The following RABGAP1L variants were observed in gnomAD, a reference collection of about 807,000 sequenced individuals.
The protein encoded by RABGAP1L is RAB GTPase activating protein 1 like, also known as rab GTPase-activating protein 1-like.
RABGAP1L carries 63 observed loss-of-function variants against 137.7 expected under a neutral mutation model. The observed-to-expected ratio is 0.46, with a 90% confidence interval of 0.37 to 0.56. RABGAP1L has a LOEUF of 0.56. Among genes scored for constraint, RABGAP1L ranks in the 20% least tolerant of loss-of-function variants. The probability of loss-of-function intolerance (pLI) is 0.00; values close to 1 mark genes in which losing one functional copy is unlikely to be tolerated. For synonymous variants in RABGAP1L, 431 were observed against 433.7 expected, an observed-to-expected ratio of 0.99 and a Z score of 0.08; for missense variants, 1,095 against 1,244.0, an observed-to-expected ratio of 0.88 and a Z score of 1.80.
intron 13 of RABGAP1L, among the ~76,000 whole-genome samples, chr1:174,612,276 AT>A: frequency 6.6e-6 from 1 of 152,254 alleles, no homozygotes; most frequent in South Asian, 2.1e-4. Flanking sequence ...GCATTGTTGA[AT>A]TTTGTCAAAG....
chr1:174,579,530 T>C (rs577098550), intron 13 of RABGAP1L, among the ~76,000 whole-genome samples: 4 of 152,202 alleles, frequency 2.6e-5, no homozygotes, highest in Non-Finnish European at 5.9e-5. Context: ...TTCATTAGAT[T>C]CTGTAATTCC....
chr1:174,622,427 C>A (rs1439511594), intron 13 of RABGAP1L, among the ~76,000 whole-genome samples: 1 of 152,258 alleles, frequency 6.6e-6, no homozygotes, highest in African/African-American at 2.4e-5. Context: ...CGGCACTATT[C>A]ACAATAGCAA....
chr1:174,892,227 C>T (rs1656290131), intron 19 of RABGAP1L, among the ~76,000 whole-genome samples: 2 of 152,236 alleles, frequency 1.3e-5, no homozygotes. Flanking sequence ...CCTCTCCCGC[C>T]TGGGCTCAGC....
chr1:174,797,640 G>T (rs76616345), intron 18 of RABGAP1L, among the ~76,000 whole-genome samples: 8,939 of 126,090 alleles, frequency 0.071, 424 homozygotes, highest in East Asian at 0.3. Flanking sequence ...TGTGTGGGGG[G>T]GTGTGTGGGG....
At chr1:174,778,705 C>T (rs962713953) in intron 18 of RABGAP1L, among the ~76,000 whole-genome samples, 3 of 152,026 alleles carry the variant, frequency 2.0e-5, no homozygotes, top group Admixed American at 1.3e-4. Context: ...AGCGATTCTC[C>T]TGCCTCAGCC....
At chr1:174,610,836 G>A (rs1671174666) in intron 13 of RABGAP1L, among the ~76,000 whole-genome samples, 1 of 152,044 alleles carries the variant, frequency 6.6e-6, no homozygotes. Context: ...TGTGTTTTTT[G>A]GCTGCATAAA....
intron 13 of RABGAP1L, among the ~76,000 whole-genome samples, chr1:174,635,064 T>G (rs111743608): frequency 0.02 from 2,950 of 150,652 alleles, 77 homozygotes; most frequent in African/African-American, 0.057. Context: ...AATAAAAAAA[T>G]AAAAAAAGAA....
intron 13 of RABGAP1L, among the ~76,000 whole-genome samples, chr1:174,601,440 G>A (rs1183966941): frequency 6.6e-6 from 1 of 152,042 alleles, no homozygotes; most frequent in Non-Finnish European, 1.5e-5. Flanking sequence ...GGTGGGAATT[G>A]AACAATGAAA....
intron 13 of RABGAP1L, among the ~76,000 whole-genome samples, chr1:174,606,776 G>C (rs1047291348): frequency 4.6e-5 from 7 of 152,032 alleles, no homozygotes; most frequent in African/African-American, 1.7e-4. Flanking sequence ...ATTTTCCTCT[G>C]TCTTACAGCT....
At chr1:174,575,778 C>T (rs1192640527) in intron 13 of RABGAP1L, among the ~76,000 whole-genome samples, 1 of 152,132 alleles carries the variant, frequency 6.6e-6, no homozygotes, top group African/African-American at 2.4e-5. Flanking sequence ...GGCAGATCGG[C>T]AGGTCGATAA....
At chr1:174,312,393 T>C (rs866233315) in intron 11 of RABGAP1L, among the ~76,000 whole-genome samples, 3 of 152,348 alleles carry the variant, frequency 2.0e-5, no homozygotes, top group Non-Finnish European at 4.4e-5. Flanking sequence ...ATGTCTTTTT[T>C]TTTCTTGAGA....
At chr1:174,512,665 G>A (rs1028546318) in intron 13 of RABGAP1L, among the ~76,000 whole-genome samples, 1 of 152,042 alleles carries the variant, frequency 6.6e-6, no homozygotes, top group African/African-American at 2.4e-5. Context: ...TTTGCACATG[G>A]GTAACAGGTC....
intron 1 of RABGAP1L, among the ~76,000 whole-genome samples, chr1:174,209,181 C>T (rs1010287489): frequency 5.9e-5 from 9 of 152,168 alleles, no homozygotes; most frequent in African/African-American, 9.7e-5. Context: ...TAATAATACT[C>T]GCTTATGCAT....
At position 174,971,307 on chromosome 1, in the gene RABGAP1L, AATT is replaced by A. The variant is rs549704795; in HGVS notation, c.2544+1926_2544+1928del. On this transcript the variant is annotated intron_variant, in intron 21 of 25. Coordinates refer to ENST00000681986, the MANE Select transcript of RABGAP1L (RefSeq NM_001366446.1). ...TATATAACTTTAATAATCAGAAAAA[AATT>A]ATTATCTTAAAAATCATTTCTTCAC... 1.1e-3 allele frequency among the ~76,000 whole-genome samples: 168 copies of A among 151,514 alleles called. 1 individual carries two copies. Among genetic ancestry groups the A allele is most frequent in the Non-Finnish European group, 2.0e-3 (139 of 67,854 alleles).
intron 1 of RABGAP1L, among the ~76,000 whole-genome samples, chr1:174,204,411 G>A (rs926724059): frequency 9.9e-5 from 15 of 151,960 alleles, no homozygotes; most frequent in African/African-American, 3.6e-4. Flanking sequence ...TCTTACTCTT[G>A]CCTAATTGCT....
rs1251907430 is a variant in RABGAP1L at position 174,523,636 on chromosome 1, A to G, written c.1711-113739A>G. 3.9e-5 allele frequency among the ~76,000 whole-genome samples: 6 copies of G among 152,180 alleles called. No homozygotes were observed. The South Asian group carries it at 1.0e-3, about 26-fold the overall frequency. On this transcript the variant is annotated intron_variant, in intron 13 of 25. Transcript: ENST00000681986. ...TTTATCATTTCTATGTTTTGGTAAC[A>G]TTTTAAGTCCCCTCTTCTAGTGGTT...
chr1:174,868,937 T>C (rs1255710192), intron 19 of RABGAP1L, among the ~76,000 whole-genome samples: 6 of 151,876 alleles, frequency 4.0e-5, no homozygotes, highest in Non-Finnish European at 8.8e-5. Flanking sequence ...GGAAAATTGG[T>C]AGAGGATTGA....
chr1:174,230,121 A>T (rs1381032345), intron 3 of RABGAP1L, among the ~76,000 whole-genome samples: 4 of 152,174 alleles, frequency 2.6e-5, no homozygotes, highest in African/African-American at 9.7e-5. Flanking sequence ...GCTGGAAACC[A>T]TCATTCTCAG....
intron 12 of RABGAP1L, among the ~76,000 whole-genome samples, chr1:174,379,135 C>T (rs1259911029): frequency 6.8e-6 from 1 of 147,558 alleles, no homozygotes; most frequent in Non-Finnish European, 1.5e-5. Flanking sequence ...TGTTCTGTTC[C>T]ATTGATCTAT....
Sources: allele counts gnomAD v4.1 joint callset (sites outside exome capture counted in the v4.1 genomes callset), GRCh38; gene constraint gnomAD v4.1.1; transcripts MANE v1.5; gene names NCBI Gene and HGNC (gene_info 2026-07-23, HGNC 2026-07-21).